NPTN: variants seen among roughly 807,000 people sequenced by gnomAD.
NPTN encodes neuroplastin.
NPTN carries 5 observed loss-of-function variants against 42.7 expected under a neutral mutation model. That is an observed-to-expected ratio of 0.12 (90% CI 0.06 to 0.25). The LOEUF is 0.25. Among genes scored for constraint, NPTN ranks in the 10% least tolerant of loss-of-function variants. The probability of loss-of-function intolerance (pLI) is 1.00; values close to 1 mark genes in which losing one functional copy is unlikely to be tolerated. For synonymous variants in NPTN, 180 were observed against 201.9 expected, an observed-to-expected ratio of 0.89 and a Z score of 0.92; for missense variants, 307 against 525.4, an observed-to-expected ratio of 0.58 and a Z score of 4.06.
At position 73,570,824 on chromosome 15, in the gene NPTN, G is replaced by C. The variant is rs1895333932; in HGVS notation, c.841-401C>G. Among the ~76,000 whole-genome samples the C allele has an allele frequency of 6.6e-6, 1 of 152,230 alleles. No homozygotes were observed. Among genetic ancestry groups the C allele is most frequent in the Non-Finnish European group, 1.5e-5 (1 of 68,028 alleles). ...ACCTCAGGCCTCTCTGATGACCTCA[G>C]AGTCAGCACACTGACTTCACACTTG... On this transcript the variant is annotated intron_variant, in intron 5 of 8. Coordinates refer to ENST00000345330, the MANE Select transcript of NPTN (RefSeq NM_012428.4). The surrounding 1 kb of genome is among the most constrained non-coding windows in gnomAD (Gnocchi z 4.0).
intron 1 of NPTN, among the ~76,000 whole-genome samples, chr15:73,612,467 C>T (rs1897638033): frequency 6.6e-6 from 1 of 150,748 alleles, no homozygotes; most frequent in Non-Finnish European, 1.5e-5. Context: ...GACTCTTAAA[C>T]CTTAAGATCT....
chr15:73,616,123 T>C (rs1897851074), intron 1 of NPTN, among the ~76,000 whole-genome samples: 1 of 152,232 alleles, frequency 6.6e-6, no homozygotes, highest in Admixed American at 6.5e-5. Flanking sequence ...ATTTCAACAA[T>C]GGACATATAT....
intron 1 of NPTN, among the ~76,000 whole-genome samples, chr15:73,615,387 C>A (rs1299844152): frequency 6.6e-6 from 1 of 152,104 alleles, no homozygotes; most frequent in Non-Finnish European, 1.5e-5. Context: ...TAATTTGCTA[C>A]ATAAAGATAC....
intron 4 of NPTN, among the ~76,000 whole-genome samples, chr15:73,581,971 A>G (rs1826318411): frequency 2.0e-5 from 3 of 152,134 alleles, no homozygotes; most frequent in Admixed American, 2.0e-4. Context: ...AGTAGCTGGG[A>G]CCACAGGCGT....
intron 1 of NPTN, among the ~76,000 whole-genome samples, chr15:73,601,114 A>G (rs538084546): frequency 6.6e-6 from 1 of 152,324 alleles, no homozygotes; most frequent in East Asian, 1.9e-4. Context: ...AGGTTCATAC[A>G]TAGGGCAGGT....
chr15:73,562,449 G>A (rs183998986), intron 7 of NPTN, among the ~76,000 whole-genome samples: 2 of 152,230 alleles, frequency 1.3e-5, no homozygotes, highest in East Asian at 3.9e-4. Flanking sequence ...CTATAATTAC[G>A]ATACAGGTGA....
chr15:73,602,349 G>T, intron 1 of NPTN, among the ~76,000 whole-genome samples: 1 of 152,096 alleles, frequency 6.6e-6, no homozygotes, highest in East Asian at 1.9e-4. Flanking sequence ...TCTCTCCTTC[G>T]TTCCTCGCAA....
chr15:73,573,640 C>A (rs1217176703), intron 5 of NPTN, 22 bp downstream of exon 5: 8 of 1,542,602 alleles, frequency 5.2e-6, no homozygotes, highest in African/African-American at 1.4e-5. Flanking sequence ...CAACCAGAGA[C>A]CCGGGCCTGC....
Position 73,569,767 on chromosome 15 carries a change from C to T in NPTN, c.1114+383G>A. 1.0e-6 allele frequency: 1 copy of T among 985,274 alleles called. No homozygotes were observed. The highest frequency in any genetic ancestry group is 1.2e-6 in the Non-Finnish European group (1 of 829,908). 61.0% of individuals were successfully genotyped at this position (985,274 alleles called of 1,614,324 possible). A position where few individuals can be genotyped will look rare whatever the true frequency, so the allele number is the denominator to read the frequency against. ...CTGCCATCTTGGGGTGGCTTCTAGG[C>T]TTGACTTGGATTCTCCTCAAGCTCA... On this transcript the variant is annotated intron_variant, in intron 6 of 8. Transcript: ENST00000345330. This position sits in a 1 kb window ranked among gnomAD's most constrained non-coding sequence, Gnocchi z 4.1.
chr15:73,565,947 G>A (rs771289972), intron 6 of NPTN, among the ~76,000 whole-genome samples: 38 of 152,146 alleles, frequency 2.5e-4, no homozygotes, highest in East Asian at 3.9e-4. Context: ...TTTAAAGTCC[G>A]AATAATGAAG....
At chr15:73,600,596 CACTT>C (rs2141415821) in intron 1 of NPTN, among the ~76,000 whole-genome samples, 1 of 152,310 alleles carries the variant, frequency 6.6e-6, no homozygotes, top group South Asian at 2.1e-4. Context: ...GGTCTCTTAA[CACTT>C]ACCACAACTG....
intron 3 of NPTN, among the ~76,000 whole-genome samples, chr15:73,589,173 A>C (rs1896468451): frequency 6.6e-6 from 1 of 152,036 alleles, no homozygotes; most frequent in South Asian, 2.1e-4. Flanking sequence ...CTCTACAAGA[A>C]ATAAAAAAAT....
At chr15:73,564,976 G>T (rs1595891727) in intron 6 of NPTN, among the ~76,000 whole-genome samples, 1 of 152,284 alleles carries the variant, frequency 6.6e-6, no homozygotes, top group East Asian at 1.9e-4. Flanking sequence ...GACACTGTAG[G>T]CACCAACCCA....
At chr15:73,571,442 G>A (rs997811370) in intron 5 of NPTN, among the ~76,000 whole-genome samples, 17 of 152,196 alleles carry the variant, frequency 1.1e-4, no homozygotes, top group Admixed American at 6.5e-5. Flanking sequence ...ACTGATTTCA[G>A]GAATGTGTTA....
intron 4 of NPTN, among the ~76,000 whole-genome samples, chr15:73,579,617 T>C (rs1024889177): frequency 2.6e-5 from 4 of 152,038 alleles, no homozygotes; most frequent in Non-Finnish European, 4.4e-5. Context: ...AAGGTCAAGA[T>C]TGGGAAGGGG....
chr15:73,630,993 A>G (rs2141487490), intron 1 of NPTN, among the ~76,000 whole-genome samples: 1 of 152,360 alleles, frequency 6.6e-6, no homozygotes, highest in East Asian at 1.9e-4. Flanking sequence ...TTCATCGGTC[A>G]TGTCATGTGA....
chr15:73,573,888 G>A, intron 4 of NPTN, 93 bp from the exon 5 acceptor site: 1 of 1,479,200 alleles, frequency 6.8e-7, no homozygotes, highest in Non-Finnish European at 9.2e-7. Context: ...TGCTTGTAAT[G>A]TAGTCAGTCT....
At chr15:73,625,808 T>C (rs550598663) in intron 1 of NPTN, among the ~76,000 whole-genome samples, 2 of 152,308 alleles carry the variant, frequency 1.3e-5, no homozygotes, top group Non-Finnish European at 2.9e-5. Context: ...TGAAACTAGA[T>C]GATGAATACA....
intron 2 of NPTN, among the ~76,000 whole-genome samples, chr15:73,592,599 T>C (rs1330596912): frequency 6.6e-6 from 1 of 152,152 alleles, no homozygotes; most frequent in Non-Finnish European, 1.5e-5. Flanking sequence ...TGTATAGCTT[T>C]CCCCACATTT....
Sources: allele counts gnomAD v4.1 joint callset (sites outside exome capture counted in the v4.1 genomes callset), GRCh38; gene constraint gnomAD v4.1.1; non-coding constraint Gnocchi (gnomAD v3.1); transcripts MANE v1.5; gene names NCBI Gene and HGNC (gene_info 2026-07-23, HGNC 2026-07-21).